The following CD47 variants were observed in gnomAD, a reference collection of about 807,000 sequenced individuals.
CD47 encodes leukocyte surface antigen CD47.
Under a neutral mutation model 44.6 loss-of-function variants are expected in CD47, and 11 were observed. The ratio of observed to expected loss-of-function variants is 0.25; its 90% confidence interval spans 0.16 to 0.41. The LOEUF (loss-of-function observed/expected upper bound fraction) is 0.41, where lower values mean the gene tolerates loss of function less well. Ranked by LOEUF, CD47 falls within the 10% of genes least tolerant of loss-of-function variation. CD47 has a pLI of 1.00. For missense variants in CD47, 306 were observed against 386.7 expected (o/e 0.79, Z 1.75); for synonymous variants, 140 against 136.3 (o/e 1.03, Z -0.19).
intron 7 of CD47, among the ~76,000 whole-genome samples, chr3:108,057,254 T>C (rs1462112637): frequency 6.6e-6 from 1 of 152,192 alleles, no homozygotes; most frequent in Non-Finnish European, 1.5e-5. Flanking sequence ...CCCTCTTTAA[T>C]TACCCTCAAA....
chr3:108,086,544 G>A (rs1267232555), intron 1 of CD47, among the ~76,000 whole-genome samples: 1 of 152,164 alleles, frequency 6.6e-6, no homozygotes, highest in East Asian at 1.9e-4. Context: ...ATCTGTCAAT[G>A]GACTAGTGAG....
intron 4 of CD47, 151 bp downstream of exon 4, chr3:108,060,594 G>T (rs1040318560): frequency 1.2e-5 from 7 of 594,930 alleles, no homozygotes; most frequent in Non-Finnish European, 1.5e-5. Context: ...CAGACTTATG[G>T]CCTCCAGCAT....
chr3:108,064,550 T>C (rs1560001464), intron 3 of CD47, among the ~76,000 whole-genome samples: 1 of 152,106 alleles, frequency 6.6e-6, no homozygotes, highest in African/African-American at 2.4e-5. Context: ...CAAGTCAACT[T>C]GGGGATAAAA....
intron 3 of CD47, among the ~76,000 whole-genome samples, chr3:108,070,145 C>A (rs575433379): frequency 3.9e-5 from 6 of 152,216 alleles, no homozygotes; most frequent in African/African-American, 1.4e-4. Context: ...TAGATATAGA[C>A]AGCTTAAACT....
Position 108,043,581 on chromosome 3 carries a change from A to G in CD47, c.*3707T>C, listed in dbSNP as rs2078664513. ...CCAAGAGAGGATCTTGCACATAGCA[A>G]CACTGGAGTTCTCTTTATTTAGAAT... On this transcript the variant is annotated 3_prime_UTR_variant, in exon 11 of 11. Transcript: ENST00000361309. 6.6e-6 allele frequency: 1 copy of G among 152,636 alleles called. No homozygotes were observed. Among genetic ancestry groups the G allele is most frequent in the African/African-American group, 2.4e-5 (1 of 41,450 alleles). The allele number at this position is 152,636 out of a possible 1,614,324, so 9.5% of individuals were successfully genotyped here.
intron 7 of CD47, chr3:108,055,647 A>G (rs921808423): frequency 2.4e-5 from 18 of 748,658 alleles, no homozygotes; most frequent in Non-Finnish European, 3.7e-5. Flanking sequence ...AAATTGCACT[A>G]AATTTTAAAC....
chr3:108,066,760 T>G (rs1212156878), intron 3 of CD47, among the ~76,000 whole-genome samples: 1 of 152,170 alleles, frequency 6.6e-6, no homozygotes, highest in African/African-American at 2.4e-5. Flanking sequence ...AATAGCTGAT[T>G]GTGCGAATGT....
rs1294353955 is a variant in CD47 at position 108,043,431 on chromosome 3, T to A, written c.*3857A>T. 6.6e-6 allele frequency: 1 copy of A among 152,204 alleles called. No homozygotes were observed. Among genetic ancestry groups the A allele is most frequent in the Non-Finnish European group, 1.5e-5 (1 of 67,978 alleles). 9.4% of individuals were successfully genotyped at this position (152,204 alleles called of 1,614,324 possible). A position where few individuals can be genotyped will look rare whatever the true frequency, so the allele number is the denominator to read the frequency against. On this transcript the variant is annotated 3_prime_UTR_variant, in exon 11 of 11. Transcript: ENST00000361309. Reference sequence around the variant, plus strand: ...AAGCTTTAAACAGTGATAAATTGATTTAATACATATAAAAAAAAAAACCTT... The same window carrying A: ...AAGCTTTAAACAGTGATAAATTGATATAATACATATAAAAAAAAAAACCTT...
intron 2 of CD47, among the ~76,000 whole-genome samples, chr3:108,075,360 A>G (rs1259108493): frequency 2.0e-5 from 3 of 152,190 alleles, no homozygotes; most frequent in Non-Finnish European, 2.9e-5. Context: ...CTGTACAAAA[A>G]TGAGACAACC....
chr3:108,049,534 A>G, intron 10 of CD47, 85 bp downstream of exon 10: 1 of 823,350 alleles, frequency 1.2e-6, no homozygotes, highest in Non-Finnish European at 2.1e-6. Flanking sequence ...TTACTAAAAA[A>G]GAGCCACATT....
At position 108,090,964 on chromosome 3, in the gene CD47, G is replaced by GCCGCCGCCGTTACAGGCAGGACCGA; in HGVS notation, c.-81_-57dup. 1 of 1,314,558 alleles carries GCCGCCGCCGTTACAGGCAGGACCGA rather than the reference G, an allele frequency of 7.6e-7. No individual in the cohort carries two copies. Among genetic ancestry groups the GCCGCCGCCGTTACAGGCAGGACCGA allele is most frequent in the Non-Finnish European group, 1.0e-6 (1 of 995,518 alleles). 81.4% of individuals were successfully genotyped at this position (1,314,558 alleles called of 1,614,324 possible). ...GCCGCAGGTGTCCGGAGCAGCAGCCGCCGCCGCCGTTACAGGCAGGACCGA... is the reference window on the plus strand; with the variant it reads ...GCCGCAGGTGTCCGGAGCAGCAGCCGCCGCCGCCGTTACAGGCAGGACCGACCGCCGCCGTTACAGGCAGGACCGA... On this transcript the variant is annotated 5_prime_UTR_variant, in exon 1 of 11. Coordinates refer to ENST00000361309, the MANE Select transcript of CD47 (RefSeq NM_001777.4).
rs755738494 is a variant in CD47, at chr3:108,058,375, T to C, written c.746A>G (p.Tyr249Cys). 1.3e-6 allele frequency: 2 copies of C among 1,567,116 alleles called. No homozygotes were observed. The highest frequency in any genetic ancestry group is 1.7e-6 in the Non-Finnish European group (2 of 1,154,066). Residue 249 changes from tyrosine to cysteine, a missense_variant, in exon 6 of 11, where the codon TAT becomes TGT. Tyr to Cys is a radical substitution (Grantham distance 194). This residue lies in a region of CD47 where 131 missense variants were observed against 135.3 expected (regional missense o/e 0.97). Coordinates refer to ENST00000361309, the MANE Select transcript of CD47 (RefSeq NM_001777.4). ...ACTCAGTCCAACCACAGCGAGGATA[T>C]AGGCTATCACCTGAATAACCAATAT... ...IAILVIQVIA[Y>C]ILAVVGLSLC...
At chr3:108,085,498 TAC>T (rs2108273116) in intron 1 of CD47, among the ~76,000 whole-genome samples, 1 of 152,284 alleles carries the variant, frequency 6.6e-6, no homozygotes, top group African/African-American at 2.4e-5. Context: ...AAATGGCAGC[TAC>T]AGTTTGCTAA....
intron 2 of CD47, among the ~76,000 whole-genome samples, chr3:108,074,716 G>C (rs1024153383): frequency 3.7e-5 from 5 of 135,782 alleles, no homozygotes; most frequent in African/African-American, 7.9e-5. Context: ...GCGGGTGGGG[G>C]GGGGGGGCAC....
Position 108,058,429 on chromosome 3 carries a change from G to T in CD47, c.692C>A (p.Ala231Glu), listed in dbSNP as rs1176172930. 2.6e-6 allele frequency: 4 copies of T among 1,550,906 alleles called. No homozygotes were observed. The highest frequency in any genetic ancestry group is 3.5e-6 in the Non-Finnish European group (4 of 1,143,452). The change falls in exon 6 of 11, where the codon GCG becomes GAG. Residue 231 changes from alanine to glutamate, a missense_variant and splice_region_variant. Transcript: ENST00000361309. ...AATGACGAAGGAGGTTAATCCAATC[G>T]CTGGAGGAAGGAAAAGGATGTAACA... ...ILLHYYVFSTAIGLTSFVIAI... is the reference protein window; with the variant it reads ...ILLHYYVFSTEIGLTSFVIAI...
intron 6 of CD47, among the ~76,000 whole-genome samples, 192 bp from the exon 7 acceptor site, chr3:108,057,761 A>G (rs576278680): frequency 8.4e-4 from 128 of 152,284 alleles, no homozygotes; most frequent in Non-Finnish European, 1.4e-3. Flanking sequence ...TGCATAACAC[A>G]TACCTTATCA....
chr3:108,048,606 G>A lies in CD47; in HGVS notation c.967+1013C>T, dbSNP rs553824966. ...TCACCGTGTTAGCCAGGATGGTCTC[G>A]ATCTCCTGACCTTGTGATCCGCCCG... is the stretch of plus-strand genomic sequence containing the variant. On this transcript the variant is annotated intron_variant, in intron 10 of 10. Coordinates refer to ENST00000361309, the MANE Select transcript of CD47 (RefSeq NM_001777.4). 5.1e-4 allele frequency among the ~76,000 whole-genome samples: 77 copies of A among 151,958 alleles called. No homozygotes were observed. The South Asian group carries it at 7.5e-3, about 15-fold the overall frequency.
chr3:108,049,882 G>A (rs1032923317), intron 9 of CD47, among the ~76,000 whole-genome samples: 1 of 152,142 alleles, frequency 6.6e-6, no homozygotes, highest in Non-Finnish European at 1.5e-5. Context: ...GAAAGAAAAT[G>A]AGATGTTTTG....
chr3:108,051,635 T>C (rs938341564), intron 8 of CD47: 4 of 515,962 alleles, frequency 7.8e-6, no homozygotes, highest in African/African-American at 1.9e-5. Flanking sequence ...TGAGGTGATA[T>C]ATTGGAATCA....
Sources: allele counts gnomAD v4.1 joint callset (sites outside exome capture counted in the v4.1 genomes callset), GRCh38; gene constraint gnomAD v4.1.1; regional missense constraint gnomAD v4.1.1; transcripts MANE v1.5; gene names NCBI Gene and HGNC (gene_info 2026-07-23, HGNC 2026-07-21).